The following LUZP2 variants were observed in gnomAD, a reference collection of about 807,000 sequenced individuals.
LUZP2 encodes leucine zipper protein 2.
Under a neutral mutation model 51.6 loss-of-function variants are expected in LUZP2, and 52 were observed. That is an observed-to-expected ratio of 1.01 (90% confidence interval 0.81 to 1.27). The LOEUF (loss-of-function observed/expected upper bound fraction) is 1.27. Ranked by LOEUF, LUZP2 falls within the 50% of genes most tolerant of loss-of-function variation. LUZP2 has a pLI of 0.00. For missense variants in LUZP2, 436 were observed against 395.4 expected (o/e 1.10, Z -0.87); for synonymous variants, 154 against 137.3 (o/e 1.12, Z -0.85).
chr11:24,764,490 T>TAAAAA (rs869045272), intron 5 of LUZP2, among the ~76,000 whole-genome samples: 49 of 94,030 alleles, frequency 5.2e-4, no homozygotes, highest in African/African-American at 1.6e-3. Context: ...ATCTCATCTC[T>TAAAAA]AAAAAAAAAA....
At chr11:24,713,298 GA>G (rs1007264669) in intron 1 of LUZP2, among the ~76,000 whole-genome samples, 1 of 151,934 alleles carries the variant, frequency 6.6e-6, no homozygotes, top group Non-Finnish European at 1.5e-5. Flanking sequence ...TGTTTCCCAG[GA>G]AAAAACTACC....
rs374976242 is a variant in LUZP2 at position 24,807,418 on chromosome 11, A to AC, written c.396+44112dup. Among the ~76,000 whole-genome samples the AC allele has an allele frequency of 5.8e-3, 870 of 150,468 alleles. 7 individuals are homozygous for AC. The highest frequency in any genetic ancestry group is 0.011 in the Admixed American group (171 of 14,956). On this transcript the variant is annotated intron_variant, in intron 5 of 11. Transcript: ENST00000336930. ...GGAGGTTGCAATGAACTGAGATCACACCATTGCACTCCAGCCTGGGCGACA... is the reference window on the plus strand; with the variant it reads ...GGAGGTTGCAATGAACTGAGATCACACCCATTGCACTCCAGCCTGGGCGACA...
Position 24,811,595 on chromosome 11 carries a change from G to A in LUZP2, c.396+48287G>A, listed in dbSNP as rs189810279. ...GGTTTGCTGTATAGATTATTTTGTC[G>A]CTGAGGTAATAAACATAGTATCTAA... On this transcript the variant is annotated intron_variant, in intron 5 of 11. Coordinates refer to ENST00000336930, the MANE Select transcript of LUZP2 (RefSeq NM_001009909.4). 2.8e-4 allele frequency among the ~76,000 whole-genome samples: 43 copies of A among 151,662 alleles called. No individual in the cohort carries two copies. In the East Asian group the frequency reaches 6.4e-3, roughly 23 times the overall value.
intron 7 of LUZP2, among the ~76,000 whole-genome samples, chr11:24,970,454 A>G (rs1257640722): frequency 1.3e-5 from 2 of 152,186 alleles, no homozygotes; most frequent in Non-Finnish European, 2.9e-5. Flanking sequence ...AATAAAGACA[A>G]CTGGATAGTT....
chr11:24,708,317 T>A (rs1565090463), intron 1 of LUZP2, among the ~76,000 whole-genome samples: 1 of 152,230 alleles, frequency 6.6e-6, no homozygotes, highest in African/African-American at 2.4e-5. Flanking sequence ...CTTTATCAGC[T>A]ATCTGGGCAT....
chr11:24,991,398 A>G (rs12289372), intron 9 of LUZP2, among the ~76,000 whole-genome samples: 6,457 of 50,844 alleles, frequency 0.13, 281 homozygotes, highest in African/African-American at 0.28. Context: ...GTGTGTGTGT[A>G]TATATATATA....
chr11:24,782,267 G>C (rs2631395), intron 5 of LUZP2, among the ~76,000 whole-genome samples: 89,302 of 151,836 alleles, frequency 0.59, 27,048 homozygotes, highest in Non-Finnish European at 0.68. Context: ...TGTAGCATTA[G>C]AAGTATGGTC....
chr11:25,078,732 A>T lies in LUZP2; in HGVS notation c.*74A>T, dbSNP rs1412144557. ...TCTTTTTAGACCACAAGCTTGATGGAAATACTGTTTCTAAAGCATGCAACT... is the reference window on the plus strand; with the variant it reads ...TCTTTTTAGACCACAAGCTTGATGGTAATACTGTTTCTAAAGCATGCAACT... On this transcript the variant is annotated 3_prime_UTR_variant, in exon 12 of 12. Coordinates refer to ENST00000336930, the MANE Select transcript of LUZP2 (RefSeq NM_001009909.4). 3 of 1,131,918 alleles carry T rather than the reference A, an allele frequency of 2.7e-6. No homozygotes were observed. In the African/African-American group the frequency reaches 4.8e-5, roughly 18 times the overall value. The allele number at this position is 1,131,918 out of a possible 1,614,324, so 70.1% of individuals were successfully genotyped here.
intron 7 of LUZP2, among the ~76,000 whole-genome samples, chr11:24,933,648 A>G (rs1854516042): frequency 6.6e-6 from 1 of 152,172 alleles, no homozygotes; most frequent in South Asian, 2.1e-4. Flanking sequence ...ATAGATTTAC[A>G]TAAGGCCTTT....
At chr11:24,891,313 C>T in intron 5 of LUZP2, 10 of 964,436 alleles carry the variant, frequency 1.0e-5, no homozygotes, top group Non-Finnish European at 1.2e-5. Context: ...TATAAGGAAG[C>T]CATATCACAA....
At chr11:24,938,270 A>AT in intron 7 of LUZP2, among the ~76,000 whole-genome samples, 1 of 152,178 alleles carries the variant, frequency 6.6e-6, no homozygotes. Context: ...AATTAAAGAA[A>AT]AGAAATAAAT....
At position 24,810,575 on chromosome 11, in the gene LUZP2, G is replaced by A. The variant is rs762899798; in HGVS notation, c.396+47267G>A. Reference sequence around the variant, plus strand: ...ATGTGAAACAACACAGTTAATGTACGTGCTCTTATAAAGCTTACTTCCTCG... The same window carrying A: ...ATGTGAAACAACACAGTTAATGTACATGCTCTTATAAAGCTTACTTCCTCG... On this transcript the variant is annotated intron_variant, in intron 5 of 11. Coordinates refer to ENST00000336930, the MANE Select transcript of LUZP2 (RefSeq NM_001009909.4). 6.6e-5 allele frequency among the ~76,000 whole-genome samples: 10 copies of A among 152,066 alleles called. 1 individual carries two copies. Among genetic ancestry groups the A allele is most frequent in the South Asian group, 4.1e-4 (2 of 4,828 alleles).
intron 9 of LUZP2, among the ~76,000 whole-genome samples, chr11:25,008,902 C>CA (rs1856908517): frequency 6.6e-6 from 1 of 152,150 alleles, no homozygotes; most frequent in African/African-American, 2.4e-5. Context: ...TAAAAGGCAT[C>CA]AAGGAAGTTC....
intron 1 of LUZP2, among the ~76,000 whole-genome samples, chr11:24,527,567 T>TCTCTCTCACACA (rs796404136): frequency 5.3e-5 from 7 of 131,560 alleles, no homozygotes; most frequent in African/African-American, 2.0e-4. Context: ...TCTCTCTCTC[T>TCTCTCTCACACA]CACACACACA....
At chr11:24,621,155 C>T (rs1222764077) in intron 1 of LUZP2, among the ~76,000 whole-genome samples, 1 of 152,172 alleles carries the variant, frequency 6.6e-6, no homozygotes, top group Non-Finnish European at 1.5e-5. Flanking sequence ...CACACAGTGG[C>T]ACAAATGAAT....
chr11:24,566,629 C>T (rs1300879025), intron 1 of LUZP2, among the ~76,000 whole-genome samples: 2,547 of 145,716 alleles, frequency 0.017, 73 homozygotes, highest in South Asian at 0.059. Context: ...GATATACACA[C>T]ACACACACAC....
chr11:24,780,209 C>T (rs1849049435), intron 5 of LUZP2, among the ~76,000 whole-genome samples: 1 of 152,036 alleles, frequency 6.6e-6, no homozygotes, highest in Admixed American at 6.6e-5. Flanking sequence ...TGGTGGATTC[C>T]ATTTCCAGCT....
chr11:25,029,191 C>T (rs1207434322), intron 9 of LUZP2, among the ~76,000 whole-genome samples: 3 of 152,088 alleles, frequency 2.0e-5, no homozygotes, highest in African/African-American at 7.2e-5. Flanking sequence ...GGTGACTATA[C>T]TCAATAATAA....
At chr11:24,699,145 C>G (rs919808696) in intron 1 of LUZP2, among the ~76,000 whole-genome samples, 1 of 150,728 alleles carries the variant, frequency 6.6e-6, no homozygotes, top group Non-Finnish European at 1.5e-5. Context: ...ATAACTCTCT[C>G]TATTCATTTG....
Sources: allele counts gnomAD v4.1 joint callset (sites outside exome capture counted in the v4.1 genomes callset), GRCh38; gene constraint gnomAD v4.1.1; transcripts MANE v1.5; gene names NCBI Gene and HGNC (gene_info 2026-07-23, HGNC 2026-07-21).